Variants in CAMTA1 observed in about 807,000 individuals in gnomAD.
The protein encoded by CAMTA1 is calmodulin-binding transcription activator 1.
CAMTA1 carries 27 observed loss-of-function variants against 170.9 expected under a neutral mutation model. That is an observed-to-expected ratio of 0.16 (90% CI 0.12 to 0.22). The LOEUF (loss-of-function observed/expected upper bound fraction) is 0.22. Ranked by LOEUF, CAMTA1 falls within the 10% of genes least tolerant of loss-of-function variation. CAMTA1 has a pLI of 1.00. For missense variants in CAMTA1, 1,619 were observed against 2,217.2 expected (o/e 0.73, Z 5.42); for synonymous variants, 833 against 891.5 (o/e 0.93, Z 1.17).
At chr1:7,262,700 C>A (rs1482732431) in intron 5 of CAMTA1, among the ~76,000 whole-genome samples, 8 of 152,226 alleles carry the variant, frequency 5.3e-5, no homozygotes, top group African/African-American at 1.9e-4. Flanking sequence ...CTAGGACACC[C>A]CTTCAAGGGA....
intron 3 of CAMTA1, among the ~76,000 whole-genome samples, chr1:6,968,910 G>A (rs1692046779): frequency 6.6e-6 from 1 of 152,154 alleles, no homozygotes; most frequent in African/African-American, 2.4e-5. Flanking sequence ...TGGAGCTAGT[G>A]GAGGACAGGT....
chr1:7,758,317 A>G (rs1334615424), intron 22 of CAMTA1, among the ~76,000 whole-genome samples: 2 of 152,166 alleles, frequency 1.3e-5, no homozygotes, highest in East Asian at 1.9e-4. Context: ...GCTGCATTCT[A>G]TTGTGAACTC....
chr1:7,623,884 G>T (rs1335737893), intron 6 of CAMTA1, among the ~76,000 whole-genome samples: 3 of 152,210 alleles, frequency 2.0e-5, no homozygotes, highest in Non-Finnish European at 4.4e-5. Flanking sequence ...CTGTCCCCTG[G>T]TAGCTAACAT....
At chr1:7,049,205 G>A (rs1268902357) in intron 3 of CAMTA1, among the ~76,000 whole-genome samples, 10 of 152,114 alleles carry the variant, frequency 6.6e-5, no homozygotes, top group Non-Finnish European at 1.0e-4. Flanking sequence ...TGAAGATCCG[G>A]CGGGGACCAA....
chr1:7,478,102 C>T (rs1023950527), intron 6 of CAMTA1, among the ~76,000 whole-genome samples: 5 of 152,218 alleles, frequency 3.3e-5, no homozygotes, highest in African/African-American at 7.2e-5. Flanking sequence ...CTTTTGGACT[C>T]GGCAGCCCCC....
intron 5 of CAMTA1, among the ~76,000 whole-genome samples, chr1:7,398,919 A>T (rs2089667820): frequency 6.6e-6 from 1 of 152,102 alleles, no homozygotes; most frequent in South Asian, 2.1e-4. Context: ...AATATTCCAG[A>T]CTTTTACCCT....
chr1:7,333,265 C>T lies in CAMTA1; in HGVS notation c.438+83639C>T, dbSNP rs1008361536. Among the ~76,000 whole-genome samples, 2 of 152,158 alleles carry T rather than the reference C, an allele frequency of 1.3e-5. No individual in the cohort carries two copies. The highest frequency in any genetic ancestry group is 4.8e-5 in the African/African-American group (2 of 41,436). On this transcript the variant is annotated intron_variant, in intron 5 of 22. Coordinates refer to ENST00000303635, the MANE Select transcript of CAMTA1 (RefSeq NM_015215.4). This position sits in a 1 kb window ranked among gnomAD's most constrained non-coding sequence, Gnocchi z 4.4. ...CTCAGGTGATTATGAGCTTCCCTGT[C>T]GAGGTTGGGCTCTGCAAGCTTTGGC...
intron 9 of CAMTA1, among the ~76,000 whole-genome samples, chr1:7,668,457 C>T (rs2096023633): frequency 6.6e-6 from 1 of 151,494 alleles, no homozygotes; most frequent in South Asian, 2.1e-4. Context: ...AGAGGCGTCC[C>T]CCTATGCCCC....
At chr1:6,999,571 C>T (rs561149846) in intron 3 of CAMTA1, among the ~76,000 whole-genome samples, 70 of 152,226 alleles carry the variant, frequency 4.6e-4, no homozygotes, top group South Asian at 8.3e-4. Context: ...TTTGTAGAGA[C>T]GGGGCTTTCC....
intron 5 of CAMTA1, among the ~76,000 whole-genome samples, chr1:7,439,307 C>T (rs1004919480): frequency 2.0e-5 from 3 of 152,168 alleles, no homozygotes; most frequent in Non-Finnish European, 4.4e-5. Flanking sequence ...ACTGAGCCAT[C>T]GTTGGCTGCG....
chr1:7,175,581 G>GT (rs765748101), intron 4 of CAMTA1, among the ~76,000 whole-genome samples: 3 of 152,234 alleles, frequency 2.0e-5, no homozygotes, highest in Non-Finnish European at 4.4e-5. Context: ...CAGGAATTGC[G>GT]TGGGGGGCTG....
chr1:7,301,552 A>T (rs571060077), intron 5 of CAMTA1, among the ~76,000 whole-genome samples: 34 of 152,006 alleles, frequency 2.2e-4, no homozygotes, highest in Non-Finnish European at 4.6e-4. Context: ...CCAGCCCCTC[A>T]GATGACTTGT....
chr1:7,161,730 T>C (rs1291235016), intron 4 of CAMTA1, among the ~76,000 whole-genome samples: 1 of 152,090 alleles, frequency 6.6e-6, no homozygotes, highest in Non-Finnish European at 1.5e-5. Flanking sequence ...CAGTCTTGGG[T>C]ATGTCTTTAT....
chr1:7,740,247 G>A (rs943984791), intron 16 of CAMTA1, among the ~76,000 whole-genome samples: 1 of 152,238 alleles, frequency 6.6e-6, no homozygotes, highest in African/African-American at 2.4e-5. Context: ...TTTAGGTTCT[G>A]TAGGCCATAC....
At chr1:7,226,468 G>A (rs1661710115) in intron 4 of CAMTA1, among the ~76,000 whole-genome samples, 1 of 152,024 alleles carries the variant, frequency 6.6e-6, no homozygotes, top group African/African-American at 2.4e-5. Flanking sequence ...CTTTCTCTCT[G>A]ATAAAGATAG....
intron 3 of CAMTA1, among the ~76,000 whole-genome samples, chr1:6,993,405 A>G (rs1258887004): frequency 6.6e-6 from 1 of 151,692 alleles, no homozygotes; most frequent in African/African-American, 2.4e-5. Context: ...CAGTGTGGAG[A>G]TTTTGCACAT....
intron 5 of CAMTA1, among the ~76,000 whole-genome samples, chr1:7,330,345 C>T (rs1173535005): frequency 2.6e-5 from 4 of 152,208 alleles, no homozygotes; most frequent in Admixed American, 6.5e-5. Context: ...TTGGACCACG[C>T]GGCAGGAAGA....
intron 6 of CAMTA1, among the ~76,000 whole-genome samples, chr1:7,568,731 A>G (rs1328142334): frequency 1.3e-5 from 2 of 149,330 alleles, no homozygotes; most frequent in African/African-American, 5.0e-5. Context: ...TCCAACATCA[A>G]CATCACCATC....
intron 6 of CAMTA1, among the ~76,000 whole-genome samples, chr1:7,498,382 G>A (rs1264117723): frequency 6.7e-6 from 1 of 148,674 alleles, no homozygotes; most frequent in Non-Finnish European, 1.5e-5. Context: ...TGTATGAGTG[G>A]ATGTGTGTGA....
Sources: gnomAD v4.1 joint callset for allele counts (sites outside exome capture counted in the v4.1 genomes callset) on GRCh38, gnomAD v4.1.1 for gene constraint, Gnocchi (gnomAD v3.1) non-coding constraint, MANE v1.5 for transcripts, NCBI Gene and HGNC (gene_info 2026-07-23, HGNC 2026-07-21) for gene names.